Variants in MFSD11 observed in about 807,000 individuals in gnomAD.
MFSD11 encodes the protein UNC93-like protein MFSD11.
In MFSD11, 36 loss-of-function variants were observed where a neutral mutation model predicts 53.5. The ratio of observed to expected loss-of-function variants is 0.67; its 90% confidence interval spans 0.52 to 0.89. The LOEUF (loss-of-function observed/expected upper bound fraction) is 0.89. Among genes scored for constraint, MFSD11 ranks in the 40% least tolerant of loss-of-function variants. The pLI is 0.00. For missense variants in MFSD11, 530 were observed against 543.9 expected (o/e 0.97, Z 0.25); for synonymous variants, 186 against 184.9 (o/e 1.01, Z -0.05).
downstream of MFSD11, among the ~76,000 whole-genome samples, chr17:76,786,023 C>T (rs555486621): frequency 3.5e-4 from 47 of 136,216 alleles, no homozygotes; most frequent in South Asian, 9.4e-3. Flanking sequence ...TGCAGTGAGC[C>T]GAGATCGAGC....
chr17:76,745,081 C>G (rs975378919), intron 7 of MFSD11, among the ~76,000 whole-genome samples: 1 of 152,202 alleles, frequency 6.6e-6, no homozygotes, highest in African/African-American at 2.4e-5. Context: ...TTAAGCATGA[C>G]AGGCTAGTGA....
intron 9 of MFSD11, chr17:76,769,102 C>T (rs116856182): frequency 1.3e-5 from 2 of 152,274 alleles, no homozygotes; most frequent in East Asian, 3.9e-4. Context: ...TGCCCATCTC[C>T]GCCTGCATGG....
At chr17:76,789,402 T>C in the MFSD11 span, among the ~76,000 whole-genome samples, 11,164 of 150,014 alleles carry the variant, frequency 0.074, 1,442 homozygotes, top group East Asian at 0.42. Context: ...GTTGTGTGTA[T>C]GCTCGTTTGA....
the MFSD11 span, among the ~76,000 whole-genome samples, chr17:76,796,895 C>T: frequency 6.6e-6 from 1 of 150,394 alleles, no homozygotes; most frequent in Non-Finnish European, 1.5e-5. Context: ...CTCGGTTGGG[C>T]ACGGTGGCTC....
Position 76,762,999 on chromosome 17 carries a change from A to G in MFSD11, c.683-4387A>G, listed in dbSNP as rs570725557. 9.5e-4 allele frequency among the ~76,000 whole-genome samples: 144 copies of G among 152,098 alleles called. 3 individuals carry two copies. The highest frequency in any genetic ancestry group is 1.8e-3 in the Non-Finnish European group (122 of 68,004). ...TGCAAACGCCCCAGGCCTTCCAAGA[A>G]GGTTTGCGTCTTATAATTTTCCCCA... On this transcript the variant is annotated intron_variant, in intron 8 of 12. Coordinates refer to ENST00000685175, the MANE Select transcript of MFSD11 (RefSeq NM_001242532.5).
At chr17:76,742,138 A>T (rs776674529) in intron 4 of MFSD11, 39 bp from the exon 5 acceptor site, 1 of 1,613,676 alleles carries the variant, frequency 6.2e-7, no homozygotes, top group Admixed American at 1.7e-5. Context: ...ACTCTAAGTG[A>T]ATTTCTTTCC....
chr17:76,763,257 TTTTTTTG>T (rs2080464454), intron 8 of MFSD11, among the ~76,000 whole-genome samples: 1 of 151,748 alleles, frequency 6.6e-6, no homozygotes, highest in Non-Finnish European at 1.5e-5. Context: ...TTATTTTCTG[TTTTTTTG>T]TTTTTTGTTT....
intron 2 of MFSD11, 142 bp downstream of exon 2, chr17:76,739,135 AT>A: frequency 1.5e-6 from 1 of 665,198 alleles, no homozygotes; most frequent in Non-Finnish European, 2.6e-6. Flanking sequence ...AGAGAACATA[AT>A]AGAATAAAGC....
rs375568835 is a variant in MFSD11 at position 76,745,392 on chromosome 17, G to A, written c.641+926G>A. On this transcript the variant is annotated intron_variant, in intron 7 of 12. Transcript: ENST00000685175. Reference sequence around the variant, plus strand: ...TTCTTGCTCTTTATTGTGCTTCACAGACACTGGGTTTTTTACAAATTGAAG... The same window carrying A: ...TTCTTGCTCTTTATTGTGCTTCACAAACACTGGGTTTTTTACAAATTGAAG... 6 of 152,340 alleles carry A rather than the reference G, an allele frequency of 3.9e-5. 1 individual carries two copies. Among genetic ancestry groups the A allele is most frequent in the African/African-American group, 1.4e-4 (6 of 41,566 alleles). 9.4% of individuals were successfully genotyped at this position (152,340 alleles called of 1,614,324 possible). A position where few individuals can be genotyped will look rare whatever the true frequency, so the allele number is the denominator to read the frequency against.
the MFSD11 span, among the ~76,000 whole-genome samples, chr17:76,795,716 C>A: frequency 6.6e-6 from 1 of 152,016 alleles, no homozygotes; most frequent in Non-Finnish European, 1.5e-5. Context: ...TAATTTCCTA[C>A]CAGATCAGCT....
chr17:76,742,631 TA>T (rs2078201085), intron 5 of MFSD11, among the ~76,000 whole-genome samples: 1 of 151,926 alleles, frequency 6.6e-6, no homozygotes, highest in African/African-American at 2.4e-5. Flanking sequence ...GCCTCCTGAG[TA>T]GCTGGGATTA....
chr17:76,784,824 A>C (rs2082252437), downstream of MFSD11, among the ~76,000 whole-genome samples: 1 of 151,868 alleles, frequency 6.6e-6, no homozygotes, highest in Non-Finnish European at 1.5e-5. Flanking sequence ...GCTGGAACCC[A>C]GGAGACAGAG....
At chr17:76,794,463 C>A in the MFSD11 span, among the ~76,000 whole-genome samples, 1 of 120,784 alleles carries the variant, frequency 8.3e-6, no homozygotes, top group Admixed American at 9.4e-5. Flanking sequence ...GGTGAAAGAG[C>A]GAGACTCCGT....
intron 9 of MFSD11, 64 bp downstream of exon 9, chr17:76,767,515 C>A: frequency 9.8e-7 from 1 of 1,020,558 alleles, no homozygotes; most frequent in Non-Finnish European, 1.5e-6. Flanking sequence ...TGAAAACGAG[C>A]CACGTTATTA....
the MFSD11 span, among the ~76,000 whole-genome samples, chr17:76,797,589 T>G: frequency 6.6e-6 from 1 of 152,180 alleles, no homozygotes; most frequent in South Asian, 2.1e-4. Flanking sequence ...TCAGGGTCTT[T>G]ATGACCTGTA....
intron 8 of MFSD11, chr17:76,766,987 G>A: frequency 6.2e-6 from 1 of 162,508 alleles, no homozygotes; most frequent in Non-Finnish European, 1.3e-5. Flanking sequence ...CTGATCTTGA[G>A]TCCACTCTTA....
rs1463866751 is a variant in MFSD11, at chr17:76,776,931, G to A, written c.1185+390G>A. 6.6e-6 allele frequency among the ~76,000 whole-genome samples: 1 copy of A among 150,376 alleles called. No homozygotes were observed. The highest frequency in any genetic ancestry group is 2.0e-4 in the East Asian group (1 of 4,944). On this transcript the variant is annotated intron_variant, in intron 12 of 12. Transcript: ENST00000685175. The surrounding 1 kb of genome is among the most constrained non-coding windows in gnomAD (Gnocchi z 4.2). ...CCTCCCAAAGTGCTGGGGATTATATGCGTGAGCCACCGCACCTGGTCTATT... is the reference window on the plus strand; with the variant it reads ...CCTCCCAAAGTGCTGGGGATTATATACGTGAGCCACCGCACCTGGTCTATT...
At chr17:76,802,063 G>C in the MFSD11 span, among the ~76,000 whole-genome samples, 25 of 152,032 alleles carry the variant, frequency 1.6e-4, no homozygotes, top group Non-Finnish European at 2.9e-4. Context: ...TAGGTCAGGA[G>C]TTCAAGACCA....
Position 76,775,047 on chromosome 17 carries a change from C to G in MFSD11, c.925C>G (p.Pro309Ala). The G allele has an allele frequency of 6.2e-7, 1 of 1,614,020 alleles. No homozygotes were observed. The highest frequency in any genetic ancestry group is 8.5e-7 in the Non-Finnish European group (1 of 1,179,958). ...CAAGAACAATCGTTTTGGTAGAAAT[C>G]CAGTTGTGCTGTTGGGCATCCTGGT... Reference protein sequence around the residue: ...LSKNNRFGRNPVVLLGILVHF... With the variant: ...LSKNNRFGRNAVVLLGILVHF... The change falls in exon 11 of 13, where the codon CCA becomes GCA. Residue 309 changes from proline (P) to alanine (A), a missense_variant. By Grantham distance (27) the Pro-to-Ala change is conservative. Coordinates refer to ENST00000685175, the MANE Select transcript of MFSD11 (RefSeq NM_001242532.5).
Sources: allele counts gnomAD v4.1 joint callset (sites outside exome capture counted in the v4.1 genomes callset), GRCh38; gene constraint gnomAD v4.1.1; non-coding constraint Gnocchi (gnomAD v3.1); transcripts MANE v1.5; gene names NCBI Gene and HGNC (gene_info 2026-07-23, HGNC 2026-07-21).